Variants in PLCL1 observed in about 807,000 individuals in gnomAD.
PLCL1 encodes the protein inactive phospholipase C-like protein 1.
Under a neutral mutation model 84.4 loss-of-function variants are expected in PLCL1, and 41 were observed. That is an observed-to-expected ratio of 0.49 (90% CI 0.38 to 0.63). The LOEUF (loss-of-function observed/expected upper bound fraction) is 0.63. Among genes scored for constraint, PLCL1 ranks in the 30% least tolerant of loss-of-function variants. The pLI is 0.00. For missense variants in PLCL1, 1,206 were observed against 1,367.8 expected (o/e 0.88, Z 1.87); for synonymous variants, 490 against 488.3 (o/e 1.00, Z -0.05).
Position 197,867,013 on chromosome 2 carries a change from T to C in PLCL1, c.240+61674T>C, listed in dbSNP as rs560854464. Among the ~76,000 whole-genome samples, 12 of 152,282 alleles carry C rather than the reference T, an allele frequency of 7.9e-5. No individual in the cohort carries two copies. The South Asian group carries it at 2.5e-3, about 32-fold the overall frequency. The stretch of plus-strand genomic sequence containing the variant: ...GCACACTAATGGATTGAAAGAGTTA[T>C]CTAGCATGACCCGAGATGCATTAGC... On this transcript the variant is annotated intron_variant, in intron 1 of 5. Coordinates refer to ENST00000428675, the MANE Select transcript of PLCL1 (RefSeq NM_006226.4).
chr2:198,121,361 G>T (rs1484825076), intron 5 of PLCL1, among the ~76,000 whole-genome samples: 1 of 152,056 alleles, frequency 6.6e-6, no homozygotes, highest in Non-Finnish European at 1.5e-5. Flanking sequence ...TCTTGTGCTT[G>T]TGGGGTATTA....
Position 198,084,410 on chromosome 2 carries a change from T to A in PLCL1, c.893T>A (p.Val298Glu). The change falls in exon 2 of 6, where the codon GTG becomes GAG. Residue 298 changes from valine to glutamate, a missense_variant. Val to Glu is a moderately radical substitution (Grantham distance 121). Transcript: ENST00000428675. ...QKSKEKLTTRVTEEEFCEAFC... is the reference protein window; with the variant it reads ...QKSKEKLTTRETEEEFCEAFC... The stretch of plus-strand genomic sequence containing the variant: ...AGCAAGGAAAAACTAACCACCCGCG[T>A]GACCGAAGAGGAATTTTGTGAAGCT... 6.2e-7 allele frequency: 1 copy of A among 1,614,168 alleles called. No individual in the cohort carries two copies. The highest frequency in any genetic ancestry group is 1.1e-5 in the South Asian group (1 of 91,086).
chr2:197,969,016 C>T (rs1410192033), intron 1 of PLCL1, among the ~76,000 whole-genome samples: 6 of 152,216 alleles, frequency 3.9e-5, no homozygotes. Context: ...CAGTCCACCT[C>T]CTGTCAGATC....
At chr2:198,122,018 C>T (rs954837311) in intron 5 of PLCL1, among the ~76,000 whole-genome samples, 1 of 152,024 alleles carries the variant, frequency 6.6e-6, no homozygotes, top group Non-Finnish European at 1.5e-5. Context: ...GTACAGGCAT[C>T]CATATACATA....
In PLCL1 at chr2:198,084,850, G is replaced by A. The variant is rs45506698; in HGVS notation, c.1333G>A (p.Asp445Asn). ...LKMGCRSVEL[D>N]VSDGSDNEPI... is the part of the protein sequence containing the mutation. ...AATGGGCTGTCGAAGCGTTGAACTC[G>A]ATGTAAGTGATGGTTCAGATAATGA... The change falls in exon 2 of 6, where the codon GAT (aspartate) becomes AAT (asparagine). Residue 445 changes from aspartate to asparagine, a missense_variant. Transcript: ENST00000428675. 1.2e-6 allele frequency: 2 copies of A among 1,613,816 alleles called. No homozygotes were observed. The highest frequency in any genetic ancestry group is 1.3e-5 in the African/African-American group (1 of 74,906).
intron 1 of PLCL1, among the ~76,000 whole-genome samples, chr2:197,853,773 C>A (rs1687283825): frequency 6.6e-6 from 1 of 152,138 alleles, no homozygotes; most frequent in South Asian, 2.1e-4. Context: ...TATATTGCCC[C>A]ATTTTATGCT....
rs1427307336 is a variant in PLCL1 at position 198,095,900 on chromosome 2, A to G, written c.2920-5385A>G. ...AAGCAGAGACGGAATCAGCACAGAT[A>G]GTCATGATAGAACGAATGACAGTTC... On this transcript the variant is annotated intron_variant, in intron 3 of 5. Coordinates refer to ENST00000428675, the MANE Select transcript of PLCL1 (RefSeq NM_006226.4). Among the ~76,000 whole-genome samples the G allele has an allele frequency of 2.6e-5, 4 of 152,248 alleles. No homozygotes were observed. In the East Asian group the frequency reaches 7.7e-4, roughly 29 times the overall value.
chr2:198,132,120 G>T lies in PLCL1; in HGVS notation c.3106-14660G>T, dbSNP rs114716050. Among the ~76,000 whole-genome samples the T allele has an allele frequency of 7.2e-3, 1,101 of 152,236 alleles. 13 individuals carry two copies. Among genetic ancestry groups the T allele is most frequent in the Non-Finnish European group, 8.2e-3 (558 of 68,000 alleles). On this transcript the variant is annotated intron_variant, in intron 5 of 5. Coordinates refer to ENST00000428675, the MANE Select transcript of PLCL1 (RefSeq NM_006226.4). ...CTTCATTCTGTTCACAACCAACTAA[G>T]ACTCTTAGAATTTTTCAGTTTCAGT...
chr2:198,028,348 CA>C (rs1454753758), intron 1 of PLCL1, among the ~76,000 whole-genome samples: 1 of 151,960 alleles, frequency 6.6e-6, no homozygotes, highest in Admixed American at 6.6e-5. Context: ...GGCCATTCAG[CA>C]GGAGTGGGAT....
Position 198,146,977 on chromosome 2 carries a change from G to T in PLCL1, c.*15G>T. 1 of 1,569,606 alleles carries T rather than the reference G, an allele frequency of 6.4e-7. No individual in the cohort carries two copies. The highest frequency in any genetic ancestry group is 1.2e-5 in the South Asian group (1 of 85,200). On this transcript the variant is annotated 3_prime_UTR_variant, in exon 6 of 6. Coordinates refer to ENST00000428675, the MANE Select transcript of PLCL1 (RefSeq NM_006226.4). ...GGAAGCTGTGACTCTGGGCATTATC[G>T]ACACGTTCACCCATCTTATCAAGGA...
At chr2:197,922,497 C>T (rs1574949841) in intron 1 of PLCL1, among the ~76,000 whole-genome samples, 2 of 118,078 alleles carry the variant, frequency 1.7e-5, no homozygotes, top group African/African-American at 5.7e-5. Flanking sequence ...CCGCCATTGT[C>T]ATCCTGGCCC....
chr2:197,904,222 G>A lies in PLCL1; in HGVS notation c.240+98883G>A, dbSNP rs193168137. On this transcript the variant is annotated intron_variant, in intron 1 of 5. Coordinates refer to ENST00000428675, the MANE Select transcript of PLCL1 (RefSeq NM_006226.4). ...TGTGAACATCAGACAGTCAGTTTAG[G>A]AAGCAGAGCATTACTGTTTCCTTTG... Among the ~76,000 whole-genome samples the A allele has an allele frequency of 2.3e-3, 351 of 152,294 alleles. 1 individual carries two copies. Among genetic ancestry groups the A allele is most frequent in the African/African-American group, 8.2e-3 (342 of 41,572 alleles).
chr2:198,106,386 A>T (rs1460101677), intron 5 of PLCL1, among the ~76,000 whole-genome samples: 1 of 151,946 alleles, frequency 6.6e-6, no homozygotes, highest in African/African-American at 2.4e-5. Context: ...TACGTGGAGA[A>T]CATGAGATAC....
intron 1 of PLCL1, among the ~76,000 whole-genome samples, chr2:197,998,220 A>G (rs1165006802): frequency 3.7e-5 from 4 of 108,290 alleles, no homozygotes; most frequent in South Asian, 7.1e-4. Flanking sequence ...TGTGTGTGAT[A>G]TGAGATTGCT....
Position 198,147,132 on chromosome 2 carries a change from T to G in PLCL1, c.*170T>G. ...TTCAGTGTAGTTAATTTATCTAAAT[T>G]AAAGCCTTTAGTATCAGTGTTTTAA... On this transcript the variant is annotated 3_prime_UTR_variant, in exon 6 of 6. Transcript: ENST00000428675. 1 of 556,442 alleles carries G rather than the reference T, an allele frequency of 1.8e-6. No individual in the cohort carries two copies. The highest frequency in any genetic ancestry group is 3.3e-5 in the Admixed American group (1 of 30,118). 34.5% of individuals were successfully genotyped at this position (556,442 alleles called of 1,614,324 possible). A position where few individuals can be genotyped will look rare whatever the true frequency, so the allele number is the denominator to read the frequency against.
rs553068805 is a variant in PLCL1 at position 197,855,099 on chromosome 2, T to C, written c.240+49760T>C. ...AAGCTCATAAATATTCAAGTCAGTA[T>C]ACGGATTTCCTCATTTAGTTTAAGG... is the stretch of plus-strand genomic sequence containing the variant. On this transcript the variant is annotated intron_variant, in intron 1 of 5. Coordinates refer to ENST00000428675, the MANE Select transcript of PLCL1 (RefSeq NM_006226.4). Among the ~76,000 whole-genome samples the C allele has an allele frequency of 2.0e-5, 3 of 152,294 alleles. No homozygotes were observed. In the South Asian group the frequency reaches 6.2e-4, roughly 32 times the overall value.
At chr2:197,888,370 C>T (rs1022397899) in intron 1 of PLCL1, among the ~76,000 whole-genome samples, 2 of 151,920 alleles carry the variant, frequency 1.3e-5, no homozygotes, top group South Asian at 2.1e-4. Context: ...TATGAGCAAC[C>T]GTCTACATTA....
intron 1 of PLCL1, among the ~76,000 whole-genome samples, chr2:198,051,737 ATTTAT>A (rs1691936052): frequency 6.6e-6 from 1 of 151,892 alleles, no homozygotes; most frequent in South Asian, 2.1e-4. Context: ...ACTTTTATTT[ATTTAT>A]TTTATTTTAT....
Position 198,085,901 on chromosome 2 carries a change from G to A in PLCL1, c.2384G>A (p.Arg795His), listed in dbSNP as rs768844738. The A allele has an allele frequency of 1.2e-6, 2 of 1,614,048 alleles. No homozygotes were observed. The highest frequency in any genetic ancestry group is 1.3e-5 in the African/African-American group (1 of 75,036). The change falls in exon 2 of 6, where the codon CGT (arginine) becomes CAT (histidine). Residue 795 changes from arginine (R) to histidine (H), a missense_variant. By Grantham distance (29) the Arg-to-His change is conservative. Coordinates refer to ENST00000428675, the MANE Select transcript of PLCL1 (RefSeq NM_006226.4). This position sits in a 1 kb window ranked among gnomAD's most constrained non-coding sequence, Gnocchi z 5.3. Reference protein sequence around the residue: ...QVNLPELAMIRFVVLDDDYIG... With the variant: ...QVNLPELAMIHFVVLDDDYIG... ...AACCTACCTGAGCTGGCCATGATCC[G>A]TTTTGTTGTTCTGGATGATGACTAC...
Sources: gnomAD v4.1 joint callset for allele counts (sites outside exome capture counted in the v4.1 genomes callset) on GRCh38, gnomAD v4.1.1 for gene constraint, Gnocchi (gnomAD v3.1) non-coding constraint, MANE v1.5 for transcripts, NCBI Gene and HGNC (gene_info 2026-07-23, HGNC 2026-07-21) for gene names.